Variants in KCNIP4 observed in about 807,000 individuals in gnomAD.
The protein encoded by KCNIP4 is Kv channel-interacting protein 4.
A neutral mutation model predicts 34.0 loss-of-function variants in KCNIP4; 12 were observed. The ratio of observed to expected loss-of-function variants is 0.35; its 90% CI spans 0.23 to 0.57. KCNIP4 has a LOEUF of 0.57. Ranked by LOEUF, KCNIP4 falls within the 20% of genes least tolerant of loss-of-function variation. The pLI, the probability that KCNIP4 is intolerant of heterozygous loss-of-function variation, is 0.83. For synonymous variants in KCNIP4, 124 were observed against 102.2 expected, an observed-to-expected ratio of 1.21 and a Z score of -1.29; for missense variants, 238 against 311.7, an observed-to-expected ratio of 0.76 and a Z score of 1.78.
chr4:20,926,325 A>G (rs957649776), intron 1 of KCNIP4, among the ~76,000 whole-genome samples: 1 of 152,232 alleles, frequency 6.6e-6, no homozygotes, highest in East Asian at 1.9e-4. Context: ...TGAGAGGTGC[A>G]GGAATAGAAT....
chr4:21,544,653 T>A (rs2109005141), intron 1 of KCNIP4: 1 of 152,294 alleles, frequency 6.6e-6, no homozygotes, highest in Non-Finnish European at 1.5e-5. Flanking sequence ...AGAGCCTCCA[T>A]CTTCAAACCT....
intron 1 of KCNIP4, among the ~76,000 whole-genome samples, chr4:20,892,953 G>A (rs2149539030): frequency 6.6e-6 from 1 of 152,250 alleles, no homozygotes; most frequent in East Asian, 1.9e-4. Flanking sequence ...TCCTTTGTGT[G>A]GGGTTTGGAA....
chr4:20,963,909 A>T (rs1171269048), intron 1 of KCNIP4, among the ~76,000 whole-genome samples: 1 of 150,062 alleles, frequency 6.7e-6, no homozygotes, highest in African/African-American at 2.5e-5. Flanking sequence ...ATATATATAT[A>T]AAAAAAAAGA....
chr4:21,618,465 A>G (rs1744751364), intron 1 of KCNIP4, among the ~76,000 whole-genome samples: 1 of 151,998 alleles, frequency 6.6e-6, no homozygotes, highest in Admixed American at 6.6e-5. Context: ...TAATCAAGTG[A>G]CTTTTCAGAT....
chr4:21,054,865 AT>A (rs1475935179), intron 1 of KCNIP4, among the ~76,000 whole-genome samples: 1 of 152,194 alleles, frequency 6.6e-6, no homozygotes, highest in Admixed American at 6.5e-5. Context: ...TGGTAATGAC[AT>A]TTTAGATACA....
intron 1 of KCNIP4, among the ~76,000 whole-genome samples, chr4:21,584,158 C>T (rs1741442276): frequency 6.6e-6 from 1 of 152,036 alleles, no homozygotes. Flanking sequence ...TCATTACCCT[C>T]ATTTTAATTT....
intron 1 of KCNIP4, among the ~76,000 whole-genome samples, chr4:21,280,794 G>T (rs148209919): frequency 5.0e-4 from 76 of 152,266 alleles, no homozygotes; most frequent in Non-Finnish European, 9.4e-4. Context: ...ATCACTACAT[G>T]GTAGTACTGG....
At chr4:21,455,820 T>G in intron 1 of KCNIP4, among the ~76,000 whole-genome samples, 1 of 48,806 alleles carries the variant, frequency 2.0e-5, no homozygotes, top group East Asian at 6.3e-4. Context: ...TATATATATA[T>G]ATATATATAT....
intron 1 of KCNIP4, among the ~76,000 whole-genome samples, chr4:21,684,592 T>A (rs924682442): frequency 5.9e-5 from 9 of 152,108 alleles, no homozygotes; most frequent in South Asian, 2.1e-4. Context: ...AGTTTAAAAA[T>A]TTTTTTACTA....
intron 1 of KCNIP4, among the ~76,000 whole-genome samples, chr4:21,824,602 C>T (rs952620491): frequency 6.6e-6 from 1 of 152,154 alleles, no homozygotes; most frequent in African/African-American, 2.4e-5. Context: ...TCCACACTCT[C>T]TGGCCTTGCA....
intron 7 of KCNIP4, among the ~76,000 whole-genome samples, chr4:20,732,436 C>G (rs1748542357): frequency 6.6e-6 from 1 of 152,116 alleles, no homozygotes; most frequent in South Asian, 2.1e-4. Flanking sequence ...TGAATGAAAA[C>G]AAAACTTGTG....
Position 21,926,496 on chromosome 4 carries a change from C to G in KCNIP4, c.61+22075G>C, listed in dbSNP as rs551637952. ...GAAGAATCCAACACTTTAAAGAACC[C>G]TCATAATCACCATGACCATTTGTTA... is the stretch of plus-strand genomic sequence containing the variant. On this transcript the variant is annotated intron_variant, in intron 1 of 8. Coordinates refer to ENST00000382152, the MANE Select transcript of KCNIP4 (RefSeq NM_025221.6). 4.6e-5 allele frequency among the ~76,000 whole-genome samples: 7 copies of G among 152,250 alleles called. No individual in the cohort carries two copies. In the South Asian group the frequency reaches 1.5e-3, roughly 32 times the overall value.
chr4:21,612,978 G>A (rs1379139750), intron 1 of KCNIP4, among the ~76,000 whole-genome samples: 2 of 152,070 alleles, frequency 1.3e-5, no homozygotes, highest in East Asian at 3.9e-4. Flanking sequence ...TGCATAAGTA[G>A]GCCGTTCAAA....
chr4:21,270,714 C>A lies in KCNIP4; in HGVS notation c.62-388005G>T, dbSNP rs142443931. 1.8e-4 allele frequency among the ~76,000 whole-genome samples: 27 copies of A among 151,964 alleles called. 1 individual carries two copies. Among genetic ancestry groups the A allele is most frequent in the Admixed American group, 1.8e-3 (27 of 15,234 alleles). Reference sequence around the variant, plus strand: ...TTTAAGAATAGATTGTACCCAGGTGCGGTGGCTCACACCTGTAATCCCAGC... The same window carrying A: ...TTTAAGAATAGATTGTACCCAGGTGAGGTGGCTCACACCTGTAATCCCAGC... On this transcript the variant is annotated intron_variant, in intron 1 of 8. Coordinates refer to ENST00000382152, the MANE Select transcript of KCNIP4 (RefSeq NM_025221.6).
intron 1 of KCNIP4, among the ~76,000 whole-genome samples, chr4:21,045,714 A>G (rs1388631115): frequency 6.6e-6 from 1 of 152,244 alleles, no homozygotes; most frequent in African/African-American, 2.4e-5. Flanking sequence ...TATTAGGAAA[A>G]TTGAATCATG....
At chr4:21,777,242 A>G (rs1029470783) in intron 1 of KCNIP4, among the ~76,000 whole-genome samples, 2 of 152,172 alleles carry the variant, frequency 1.3e-5, no homozygotes, top group African/African-American at 4.8e-5. Context: ...TCTCTCCTTT[A>G]TAAATTACCC....
chr4:21,039,049 A>G (rs976191793), intron 1 of KCNIP4, among the ~76,000 whole-genome samples: 4 of 152,132 alleles, frequency 2.6e-5, no homozygotes, highest in African/African-American at 9.7e-5. Flanking sequence ...GACGTGGGAT[A>G]GCTATATCCT....
chr4:21,369,527 G>T (rs13151249), intron 1 of KCNIP4, among the ~76,000 whole-genome samples: 3,866 of 146,880 alleles, frequency 0.026, 362 homozygotes, highest in East Asian at 0.22. Flanking sequence ...AACCCAGGAG[G>T]TTGAGACTGC....
rs538299304 is a variant in KCNIP4 at position 21,708,482 on chromosome 4, G to A, written c.61+240089C>T. ...AACACAGACTTTTGATAATCAAAGC[G>A]ACATAAGCCAAATACCATCTTGGAA... is the stretch of plus-strand genomic sequence containing the variant. On this transcript the variant is annotated intron_variant, in intron 1 of 8. Transcript: ENST00000382152. Among the ~76,000 whole-genome samples, 11 of 152,100 alleles carry A rather than the reference G, an allele frequency of 7.2e-5. No individual in the cohort carries two copies. In the East Asian group the frequency reaches 1.9e-3, roughly 27 times the overall value.
Sources: allele counts gnomAD v4.1 joint callset (sites outside exome capture counted in the v4.1 genomes callset), GRCh38; gene constraint gnomAD v4.1.1; transcripts MANE v1.5; gene names NCBI Gene and HGNC (gene_info 2026-07-23, HGNC 2026-07-21).